Variants in POLR1D observed in about 807,000 individuals in gnomAD.
The protein encoded by POLR1D is DNA-directed RNA polymerases I and III subunit RPAC2.
POLR1D carries 8 observed loss-of-function variants against 10.8 expected under a neutral mutation model. The observed-to-expected ratio is 0.74, with a 90% CI of 0.43 to 1.33. The LOEUF is 1.33. Among genes scored for constraint, POLR1D ranks in the 40% most tolerant of loss-of-function variants. The pLI is 0.01. For missense variants in POLR1D, 152 were observed against 161.7 expected (o/e 0.94, Z 0.32); for synonymous variants, 54 against 57.2 (o/e 0.94, Z 0.25).
At chr13:27,648,267 C>A (rs1352084010) in intron 1 of POLR1D, 2 of 724,624 alleles carry the variant, frequency 2.8e-6, no homozygotes, top group African/African-American at 1.8e-5. Context: ...TTTGCCCCAG[C>A]AATCATGCTT....
chr13:27,665,083 G>A (rs1956402333), intron 2 of POLR1D: 1 of 153,940 alleles, frequency 6.5e-6, no homozygotes, highest in Admixed American at 6.4e-5. Flanking sequence ...AAATTCACCA[G>A]GGCAGGAGAT....
chr13:27,655,077 A>G (rs148981442), intron 2 of POLR1D, among the ~76,000 whole-genome samples: 1 of 152,234 alleles, frequency 6.6e-6, no homozygotes, highest in South Asian at 2.1e-4. Context: ...TAGGAGGAGA[A>G]AAAAGGAGAC....
intron 2 of POLR1D, among the ~76,000 whole-genome samples, chr13:27,649,445 A>G (rs572808935): frequency 6.6e-6 from 1 of 152,334 alleles, no homozygotes; most frequent in South Asian, 2.1e-4. Context: ...TCCAAAAGAT[A>G]AAAAATAACT....
upstream of POLR1D, chr13:27,620,987 G>A (rs1955904308): frequency 6.5e-6 from 1 of 153,038 alleles, no homozygotes; most frequent in Non-Finnish European, 1.5e-5. Flanking sequence ...GTCGGGCAGG[G>A]TCGGGGCCAG....
chr13:27,627,092 G>A (rs774948925), downstream of POLR1D, among the ~76,000 whole-genome samples: 21 of 152,122 alleles, frequency 1.4e-4, no homozygotes, highest in East Asian at 7.7e-4. Flanking sequence ...TTTGGTTAGC[G>A]TAATTTAGAG....
Position 27,646,501 on chromosome 13 carries a change from G to A in POLR1D, c.27-1878G>A, listed in dbSNP as rs183469121. ...GTGATTCCATAAGAGGTTGGGCTGC[G>A]AAACTTGTGATTGAGGGAGTCAACA... On this transcript the variant is annotated intron_variant, in intron 1 of 2. Transcript: ENST00000399697. 3.1e-3 allele frequency among the ~76,000 whole-genome samples: 472 copies of A among 152,272 alleles called. 3 individuals are homozygous for A. The highest frequency in any genetic ancestry group is 0.027 in the Middle Eastern group (8 of 294).
intron 2 of POLR1D, among the ~76,000 whole-genome samples, chr13:27,654,406 G>A (rs1257412039): frequency 2.0e-5 from 3 of 152,162 alleles, no homozygotes; most frequent in Non-Finnish European, 4.4e-5. Flanking sequence ...AATCACATTT[G>A]TAAATATCAT....
intron 2 of POLR1D, among the ~76,000 whole-genome samples, chr13:27,664,235 G>A (rs187769756): frequency 8.5e-5 from 13 of 152,266 alleles, no homozygotes; most frequent in African/African-American, 3.1e-4. Context: ...CTAAGGCAGC[G>A]TAATGCTGGT....
In POLR1D at chr13:27,621,892, C is replaced by T; in HGVS notation, c.-92C>T. 4 of 1,387,036 alleles carry T rather than the reference C, an allele frequency of 2.9e-6. No individual in the cohort carries two copies. Among genetic ancestry groups the T allele is most frequent in the South Asian group, 1.2e-5 (1 of 80,974 alleles). 85.9% of individuals were successfully genotyped at this position (1,387,036 alleles called of 1,614,324 possible). On this transcript the variant is annotated 5_prime_UTR_variant, in exon 1 of 2. Coordinates refer to ENST00000302979, the MANE Select transcript of POLR1D (RefSeq NM_015972.4). ...TCCTCCGCGCCTTCCGTCGGTCGGT[C>T]CTTGCTTCCTGCTTCGCCTCCGCGC...
chr13:27,666,027 G>A lies in POLR1D; in HGVS notation c.*74G>A. ...GGTGCGGTGTGCGGAGAAGGCCTGA[G>A]CTGGCAGGGCAAACACCTGAGAGTG... On this transcript the variant is annotated 3_prime_UTR_variant, in exon 3 of 3. Coordinates refer to the POLR1D transcript ENST00000399697. 7 of 1,373,626 alleles carry A rather than the reference G, an allele frequency of 5.1e-6. No individual in the cohort carries two copies. The South Asian group carries it at 8.6e-5, about 17-fold the overall frequency. The allele number at this position is 1,373,626 out of a possible 1,614,324, so 85.1% of individuals were successfully genotyped here.
At chr13:27,637,779 G>A (rs1487241231) in intron 1 of POLR1D, among the ~76,000 whole-genome samples, 18 of 151,770 alleles carry the variant, frequency 1.2e-4, no homozygotes, top group Non-Finnish European at 1.5e-5. Context: ...ATTTACTGAT[G>A]GGTTTTAATA....
intron 1 of POLR1D, chr13:27,622,281 G>T: frequency 1.8e-6 from 1 of 566,428 alleles, no homozygotes; most frequent in Admixed American, 3.1e-5. Context: ...ATCACGCCCC[G>T]GGCCTCTGCT....
Position 27,623,402 on chromosome 13 carries a change from C to T in POLR1D, c.*152C>T. 1 of 1,466,388 alleles carries T rather than the reference C, an allele frequency of 6.8e-7. No individual in the cohort carries two copies. Among genetic ancestry groups the T allele is most frequent in the South Asian group, 1.3e-5 (1 of 75,188 alleles). The allele number at this position is 1,466,388 out of a possible 1,614,324, so 90.8% of individuals were successfully genotyped here. On this transcript the variant is annotated 3_prime_UTR_variant, in exon 2 of 2. Transcript: ENST00000302979. ...TGACCCCTTGCAGCTGTTGGAATCTCTGCAAGAACCTCTGTATTCTTCTAA... is the reference window on the plus strand; with the variant it reads ...TGACCCCTTGCAGCTGTTGGAATCTTTGCAAGAACCTCTGTATTCTTCTAA...
chr13:27,665,686 G>A lies in POLR1D; in HGVS notation c.102G>A (p.Trp34Ter). Residue 34 changes from tryptophan (W) to a stop codon, truncating the protein, a stop_gained and splice_region_variant, in exon 3 of 3, where the codon TGG (tryptophan) becomes TGA (stop). Transcript: ENST00000399697. LOFTEE classifies it low-confidence loss of function (END_TRUNC). The stretch of plus-strand genomic sequence containing the variant: ...TTTTCTTTTCTCCTCCCCACCCCAG[G>A]ATGAAGTGTCCTCTTGCTAGCACCA... 6.2e-7 allele frequency: 1 copy of A among 1,613,768 alleles called. No individual in the cohort carries two copies.
intron 2 of POLR1D, among the ~76,000 whole-genome samples, chr13:27,652,911 CTTTTTTTTTTTTT>C (rs71083685): frequency 2.2e-5 from 2 of 89,332 alleles, no homozygotes; most frequent in African/African-American, 4.9e-5. Context: ...TTTACCATTT[CTTTTTTTTTTTTT>C]TTTTTTTTTT....
intron 2 of POLR1D, among the ~76,000 whole-genome samples, chr13:27,656,105 C>T (rs1445079221): frequency 6.6e-6 from 1 of 151,978 alleles, no homozygotes; most frequent in South Asian, 2.1e-4. Context: ...AGGTAGAAAC[C>T]TCCCTCAGCC....
At chr13:27,628,429 C>A (rs553831620), downstream of POLR1D, among the ~76,000 whole-genome samples, 15 of 152,132 alleles carry the variant, frequency 9.9e-5, 1 homozygote, top group Non-Finnish European at 2.1e-4. Context: ...AGGTAGTAAA[C>A]TAATGATGAC....
chr13:27,625,358 G>A (rs1286627795), downstream of POLR1D, among the ~76,000 whole-genome samples: 1 of 152,164 alleles, frequency 6.6e-6, no homozygotes, highest in Non-Finnish European at 1.5e-5. Context: ...AGAAGCTAGT[G>A]ATGGAGAAGA....
rs1328153161 is a variant in POLR1D, at chr13:27,623,214, G to A, written c.366G>A (p.Lys122=). Residue 122 remains lysine (K), a synonymous_variant, in exon 2 of 2, where the codon AAG becomes AAA. Transcript: ENST00000302979. ...DKFEASIKDY[K]DQKASRNEST... ...TTGAGGCCAGCATAAAGGACTATAA[G>A]GATCAAAAAGCAAGCAGAAATGAAT... 3.7e-6 allele frequency: 6 copies of A among 1,614,036 alleles called. No individual in the cohort carries two copies. Among genetic ancestry groups the A allele is most frequent in the South Asian group, 1.1e-5 (1 of 91,020 alleles).
Sources: allele counts gnomAD v4.1 joint callset (sites outside exome capture counted in the v4.1 genomes callset), GRCh38; gene constraint gnomAD v4.1.1; transcripts MANE v1.5; gene names NCBI Gene and HGNC (gene_info 2026-07-23, HGNC 2026-07-21).